The following CHD3 variants were observed in gnomAD, a reference collection of about 807,000 sequenced individuals.
CHD3 encodes the protein chromodomain helicase DNA binding protein 3.
CHD3 carries 52 observed loss-of-function variants against 248.9 expected under a neutral mutation model. The ratio of observed to expected loss-of-function variants is 0.21; its 90% CI spans 0.17 to 0.26. CHD3 has a LOEUF of 0.26. Among genes scored for constraint, CHD3 ranks in the 10% least tolerant of loss-of-function variants. The probability of loss-of-function intolerance (pLI) is 1.00; values close to 1 mark genes in which losing one functional copy is unlikely to be tolerated. For missense variants in CHD3, 1,482 were observed against 2,605.8 expected (o/e 0.57, Z 9.39); for synonymous variants, 985 against 985.2 (o/e 1.00, Z 0.00).
chr17:7,901,403 A>T, intron 20 of CHD3, 28 bp downstream of exon 20: 1 of 1,546,666 alleles, frequency 6.5e-7, no homozygotes, highest in East Asian at 2.3e-5. Flanking sequence ...CTGTCTTTAC[A>T]TCTGCTTCCT....
upstream of CHD3, chr17:7,885,347 C>T: frequency 5.7e-6 from 1 of 176,644 alleles, no homozygotes; most frequent in Non-Finnish European, 1.1e-5. Flanking sequence ...GCCGCCGCCA[C>T]CCCGGCTGGA....
Position 7,903,578 on chromosome 17 carries a change from A to C in CHD3, c.3727+75A>C. ...GAGTACTTATCAGCCCCCTGGGGAG[A>C]GAAAAACAACTCTTCTCTGCAGCCT... On this transcript the variant is annotated intron_variant, in intron 23 of 39. Transcript: ENST00000330494. This position sits in a 1 kb window ranked among gnomAD's most constrained non-coding sequence, Gnocchi z 6.8. The C allele has an allele frequency of 1.5e-6, 2 of 1,292,990 alleles. No homozygotes were observed. The highest frequency in any genetic ancestry group is 2.2e-6 in the Non-Finnish European group (2 of 924,680). 80.1% of individuals were successfully genotyped at this position (1,292,990 alleles called of 1,614,324 possible). A position where few individuals can be genotyped will look rare whatever the true frequency, so the allele number is the denominator to read the frequency against.
chr17:7,892,404 C>G (rs1969001597), intron 4 of CHD3, among the ~76,000 whole-genome samples: 1 of 151,882 alleles, frequency 6.6e-6, no homozygotes, highest in South Asian at 2.1e-4. Flanking sequence ...GTTTTATGAA[C>G]TGTAAAGTAG....
intron 4 of CHD3, among the ~76,000 whole-genome samples, chr17:7,892,693 C>T (rs771732380): frequency 6.6e-6 from 1 of 152,030 alleles, no homozygotes; most frequent in Non-Finnish European, 1.5e-5. Flanking sequence ...GACGGGGTTT[C>T]GCCATGTTGG....
chr17:7,901,492 C>G (rs1172526056), intron 20 of CHD3, 117 bp downstream of exon 20: 14 of 697,442 alleles, frequency 2.0e-5, no homozygotes, highest in Non-Finnish European at 2.9e-5. Flanking sequence ...TGAGGAGATT[C>G]CTCCTGTAAG....
In CHD3 at chr17:7,897,284, A is replaced by G; in HGVS notation, c.1909A>G (p.Ile637Val). The part of the protein sequence containing the change: ...KPEWMTVHRI[I>V]NHSVDKKGNY... ...AGAGTGGATGACCGTCCACCGCATC[A>G]TCAACCACAGGTGAATCCTCGGTCC... The change falls in exon 11 of 40, where the codon ATC becomes GTC. Residue 637 changes from isoleucine to valine, a missense_variant. Transcript: ENST00000330494. This position sits in a 1 kb window ranked among gnomAD's most constrained non-coding sequence, Gnocchi z 4.8. The G allele has an allele frequency of 6.2e-7, 1 of 1,613,628 alleles. No individual in the cohort carries two copies. Among genetic ancestry groups the G allele is most frequent in the Middle Eastern group, 1.7e-4 (1 of 6,032 alleles).
rs1970659932 is a variant in CHD3 at position 7,904,318 on chromosome 17, G to C, written c.3895-124G>C. 1 of 846,282 alleles carries C rather than the reference G, an allele frequency of 1.2e-6. No individual in the cohort carries two copies. The allele number at this position is 846,282 out of a possible 1,614,324, so 52.4% of individuals were successfully genotyped here. Reference sequence around the variant, plus strand: ...GCAATGTCCAGAAAATGTATGCAGAGCCACGAAGCTGCAGGAGTGGGGAGA... The same window carrying C: ...GCAATGTCCAGAAAATGTATGCAGACCCACGAAGCTGCAGGAGTGGGGAGA... On this transcript the variant is annotated intron_variant, in intron 24 of 39. Coordinates refer to ENST00000330494, the MANE Select transcript of CHD3 (RefSeq NM_001005273.3). The surrounding 1 kb of genome is among the most constrained non-coding windows in gnomAD (Gnocchi z 4.4).
intron 5 of CHD3, 93 bp from the exon 6 acceptor site, chr17:7,893,712 C>T (rs1436439788): frequency 6.5e-7 from 1 of 1,547,718 alleles, no homozygotes; most frequent in Non-Finnish European, 8.7e-7. Context: ...AAACCACAGC[C>T]CACAGAGGAA....
chr17:7,890,883 GCGGCCTGGAATA>G, intron 3 of CHD3, 45 bp from the exon 4 acceptor site: 4 of 1,609,494 alleles, frequency 2.5e-6, no homozygotes, highest in Non-Finnish European at 3.4e-6. Flanking sequence ...AGGCCTGTGT[GCGGCCTGGAATA>G]GGGGCTGGAG....
intron 10 of CHD3, among the ~76,000 whole-genome samples, chr17:7,896,750 A>G (rs969934680): frequency 6.8e-6 from 1 of 146,310 alleles, no homozygotes; most frequent in Non-Finnish European, 1.5e-5. Context: ...CCTCCGCCTC[A>G]TGCATTCAAG....
In CHD3 at chr17:7,890,636, T is replaced by C; in HGVS notation, c.279T>C (p.Ser93=). The C allele has an allele frequency of 6.3e-7, 1 of 1,595,774 alleles. No individual in the cohort carries two copies. Among genetic ancestry groups the C allele is most frequent in the Non-Finnish European group, 8.5e-7 (1 of 1,175,336 alleles). ...GGGAGAAGTCAGAGAGTGGGGGCAG[T>C]GAATATGGAACCGGACCGGGTCGGA... is the stretch of plus-strand genomic sequence containing the variant. ...EYREKSESGG[S]EYGTGPGRKR... is the part of the protein sequence containing the mutation. Residue 93 remains serine (S), a synonymous_variant, in exon 3 of 40, where the codon AGT becomes AGC. Coordinates refer to ENST00000330494, the MANE Select transcript of CHD3 (RefSeq NM_001005273.3).
At chr17:7,887,630 A>T (rs964007047), upstream of CHD3, among the ~76,000 whole-genome samples, 1 of 151,620 alleles carries the variant, frequency 6.6e-6, no homozygotes, top group Non-Finnish European at 1.5e-5. Flanking sequence ...AAAAATAAAT[A>T]TATGTGTGAG....
rs1327063144 is a variant in CHD3 at position 7,897,201 on chromosome 17, T to G, written c.1826T>G (p.Val609Gly). The G allele has an allele frequency of 9.3e-6, 15 of 1,613,942 alleles. No individual in the cohort carries two copies. The highest frequency in any genetic ancestry group is 1.3e-5 in the African/African-American group (1 of 74,862). Reference protein sequence around the residue: ...EDDGKSDKRKVKDPHYAEMEE... With the variant: ...EDDGKSDKRKGKDPHYAEMEE... ...GATGGGAAGAGCGACAAGCGTAAAGTGAAAGACCCGCACTATGCTGAGATG... is the reference window on the plus strand; with the variant it reads ...GATGGGAAGAGCGACAAGCGTAAAGGGAAAGACCCGCACTATGCTGAGATG... The change falls in exon 11 of 40, where the codon GTG becomes GGG. Residue 609 changes from valine to glycine, a missense_variant. Physicochemically the swap from Val to Gly is moderately radical, Grantham distance 109 (BLOSUM62 -3). Coordinates refer to ENST00000330494, the MANE Select transcript of CHD3 (RefSeq NM_001005273.3). The surrounding 1 kb of genome is among the most constrained non-coding windows in gnomAD (Gnocchi z 4.8).
rs765598210 is a variant in CHD3 at position 7,894,904 on chromosome 17, C to T, written c.1270-13C>T. 4.2e-5 allele frequency: 67 copies of T among 1,611,998 alleles called. No individual in the cohort carries two copies. Among genetic ancestry groups the T allele is most frequent in the Non-Finnish European group, 5.3e-5 (62 of 1,179,494 alleles). On this transcript the variant is annotated splice_polypyrimidine_tract_variant and intron_variant, in intron 8 of 39. Transcript: ENST00000330494. ...TCTTCCATCTGTCTGTGTGTCTATC[C>T]TTGGCCCCCTAGGAGAAGGAGGGGG... is the stretch of plus-strand genomic sequence containing the variant.
chr17:7,899,561 A>G lies in CHD3; in HGVS notation c.2544+18A>G. The G allele has an allele frequency of 6.2e-7, 1 of 1,607,262 alleles. No homozygotes were observed. The highest frequency in any genetic ancestry group is 8.5e-7 in the Non-Finnish European group (1 of 1,174,658). On this transcript the variant is annotated intron_variant, in intron 15 of 39. Coordinates refer to ENST00000330494, the MANE Select transcript of CHD3 (RefSeq NM_001005273.3). This position sits in a 1 kb window ranked among gnomAD's most constrained non-coding sequence, Gnocchi z 6.8. Reference sequence around the variant, plus strand: ...AGATGAAGGTAAGACCCTCTACCTCATATCCTCTGAGACCCTCAAAGCTGT... The same window carrying G: ...AGATGAAGGTAAGACCCTCTACCTCGTATCCTCTGAGACCCTCAAAGCTGT...
Position 7,895,390 on chromosome 17 carries a change from G to A in CHD3, c.1555G>A (p.Glu519Lys), listed in dbSNP as rs1024324765. The A allele has an allele frequency of 1.9e-6, 3 of 1,614,088 alleles. No homozygotes were observed. The highest frequency in any genetic ancestry group is 1.3e-5 in the African/African-American group (1 of 75,002). Reference protein sequence around the residue: ...VQKILHWRWGEPPVAVPAPQQ... With the variant: ...VQKILHWRWGKPPVAVPAPQQ... ...GAAGATCCTACATTGGCGGTGGGGG[G>A]AGCCACCTGTAGCAGTGCCAGCCCC... The change falls in exon 10 of 40, where the codon GAG (glutamate) becomes AAG (lysine). Residue 519 changes from glutamate to lysine, a missense_variant. Around this residue, in one of 20 missense-constraint regions of CHD3, gnomAD observed 138 missense variants for 241.1 expected, o/e 0.57. Coordinates refer to ENST00000330494, the MANE Select transcript of CHD3 (RefSeq NM_001005273.3). The surrounding 1 kb of genome is among the most constrained non-coding windows in gnomAD (Gnocchi z 4.9).
Position 7,904,065 on chromosome 17 carries a change from G to A in CHD3, c.3894+74G>A, listed in dbSNP as rs1970618887. On this transcript the variant is annotated intron_variant, in intron 24 of 39. Transcript: ENST00000330494. This position sits in a 1 kb window ranked among gnomAD's most constrained non-coding sequence, Gnocchi z 4.4. ...AAGGCAGTATCCTTTACTCAGCCTTGAAGTAGGAGGGTCTGTCCCCCTTAA... is the reference window on the plus strand; with the variant it reads ...AAGGCAGTATCCTTTACTCAGCCTTAAAGTAGGAGGGTCTGTCCCCCTTAA... 1 of 1,500,922 alleles carries A rather than the reference G, an allele frequency of 6.7e-7. No individual in the cohort carries two copies. The highest frequency in any genetic ancestry group is 1.2e-5 in the South Asian group (1 of 82,664). 93.0% of individuals were successfully genotyped at this position (1,500,922 alleles called of 1,614,324 possible). A position where few individuals can be genotyped will look rare whatever the true frequency, so the allele number is the denominator to read the frequency against.
At chr17:7,891,857 C>T (rs1047674808) in intron 4 of CHD3, among the ~76,000 whole-genome samples, 1 of 150,322 alleles carries the variant, frequency 6.7e-6, no homozygotes, top group Non-Finnish European at 1.5e-5. Flanking sequence ...AGCGAAACTC[C>T]GTCTCAAAAA....
chr17:7,910,038 T>C lies in CHD3; in HGVS notation c.5591-390T>C, dbSNP rs562550511. The stretch of plus-strand genomic sequence containing the variant: ...GACACTTACCACCTCCCATGCCTCC[T>C]GACTATTTCCTCCCCATCATCCCCA... On this transcript the variant is annotated intron_variant, in intron 37 of 39. Transcript: ENST00000330494. The surrounding 1 kb of genome is among the most constrained non-coding windows in gnomAD (Gnocchi z 4.7). 5.0e-5 allele frequency: 16 copies of C among 318,706 alleles called. No individual in the cohort carries two copies. Among genetic ancestry groups the C allele is most frequent in the Admixed American group, 9.9e-5 (2 of 20,196 alleles). 19.7% of individuals were successfully genotyped at this position (318,706 alleles called of 1,614,324 possible).
Sources: gnomAD v4.1 joint callset for allele counts (sites outside exome capture counted in the v4.1 genomes callset) on GRCh38, gnomAD v4.1.1 for gene constraint, gnomAD v4.1.1 regional missense constraint, Gnocchi (gnomAD v3.1) non-coding constraint, MANE v1.5 for transcripts, NCBI Gene and HGNC (gene_info 2026-07-23, HGNC 2026-07-21) for gene names.